PDE4D: variants seen among roughly 807,000 people sequenced by gnomAD.
PDE4D encodes phosphodiesterase 4D.
A neutral mutation model predicts 87.4 loss-of-function variants in PDE4D; 24 were observed. That is an observed-to-expected ratio of 0.27 (90% CI 0.20 to 0.39). PDE4D has a LOEUF of 0.39. Among genes scored for constraint, PDE4D ranks in the 10% least tolerant of loss-of-function variants. The pLI is 1.00. For missense variants in PDE4D, 714 were observed against 1,041.0 expected (o/e 0.69, Z 4.32); for synonymous variants, 384 against 383.2 (o/e 1.00, Z -0.02).
In PDE4D at chr5:58,977,218, T is replaced by C. The variant is rs1744033005; in HGVS notation, c.1680A>G (p.Gln560=). ...IFQNLTKKQR[Q]SLRKMVIDIV... is the part of the protein sequence containing the mutation. ...TGTCAATGACCATTTTCCTTAAAGA[T>C]TGTCTTTGTTTTTTGGTCAAATTCT... Residue 560 remains glutamine (Q), a synonymous_variant, in exon 12 of 15, where the codon CAA becomes CAG. Transcript: ENST00000340635. 7 of 1,611,934 alleles carry C rather than the reference T, an allele frequency of 4.3e-6. No homozygotes were observed. Among genetic ancestry groups the C allele is most frequent in the South Asian group, 1.1e-5 (1 of 90,656 alleles).
Position 59,399,366 on chromosome 5 carries a change from A to G in PDE4D, c.456-183398T>C, listed in dbSNP as rs1360129213. ...GCTACAGTAACCAAAACAGCATGGT[A>G]CTGGTACCAAAACAGAGATATAGAT... On this transcript the variant is annotated intron_variant, in intron 1 of 14. Coordinates refer to ENST00000340635, the MANE Select transcript of PDE4D (RefSeq NM_001104631.2). 3.4e-3 allele frequency among the ~76,000 whole-genome samples: 469 copies of G among 137,374 alleles called. 3 individuals are homozygous for G. Among genetic ancestry groups the G allele is most frequent in the African/African-American group, 0.011 (437 of 38,890 alleles). 90.1% of individuals were successfully genotyped at this position (137,374 alleles called of 152,430 possible). A position where few individuals can be genotyped will look rare whatever the true frequency, so the allele number is the denominator to read the frequency against.
chr5:60,236,896 CTG>C (rs1444091689), intron 1 of PDE4D, among the ~76,000 whole-genome samples: 2 of 151,942 alleles, frequency 1.3e-5, no homozygotes, highest in Non-Finnish European at 2.9e-5. Flanking sequence ...CTGGTGAAAA[CTG>C]TGTTAGACTT....
At chr5:59,371,950 TATAACCCTGGGACTGCCC>T (rs1323738537) in intron 1 of PDE4D, among the ~76,000 whole-genome samples, 2 of 152,228 alleles carry the variant, frequency 1.3e-5, no homozygotes, top group Non-Finnish European at 2.9e-5. Flanking sequence ...CCTGGGGCTG[TATAACCCTGGGACTGCCC>T]AGCACAGTAG....
intron 1 of PDE4D, chr5:59,768,500 G>A (rs1242849085): frequency 6.3e-7 from 1 of 1,598,258 alleles, no homozygotes; most frequent in East Asian, 2.2e-5. Context: ...GGGCTTGTCT[G>A]CTGAGCCATT....
intron 1 of PDE4D, among the ~76,000 whole-genome samples, chr5:60,512,714 C>T (rs1369278937): frequency 1.3e-5 from 2 of 152,076 alleles, no homozygotes; most frequent in African/African-American, 4.8e-5. Context: ...AAGACATTTT[C>T]AGAAAAATAA....
rs1166416188 is a variant in PDE4D, at chr5:59,614,770, A to C, written c.455+278398T>G. On this transcript the variant is annotated intron_variant, in intron 1 of 14. Coordinates refer to ENST00000340635, the MANE Select transcript of PDE4D (RefSeq NM_001104631.2). ...GTTGGTAGGAAGGCATTTATCTGTAAATTGATACATCCTCAGGCAACTGTG... is the reference window on the plus strand; with the variant it reads ...GTTGGTAGGAAGGCATTTATCTGTACATTGATACATCCTCAGGCAACTGTG... Among the ~76,000 whole-genome samples the C allele has an allele frequency of 2.0e-4, 31 of 152,270 alleles. 1 individual carries two copies.
At chr5:59,275,303 G>A in intron 1 of PDE4D, 2 of 1,540,790 alleles carry the variant, frequency 1.3e-6, no homozygotes, top group Non-Finnish European at 1.8e-6. Flanking sequence ...TCTTAAAAGA[G>A]AAAAGGGGAA....
At chr5:59,469,161 A>G (rs1802034530) in intron 1 of PDE4D, among the ~76,000 whole-genome samples, 1 of 152,198 alleles carries the variant, frequency 6.6e-6, no homozygotes, top group South Asian at 2.1e-4. Context: ...CTCTGTCTCT[A>G]CTAAAAATAC....
At chr5:59,506,876 C>A (rs1238699683) in intron 1 of PDE4D, among the ~76,000 whole-genome samples, 1 of 152,118 alleles carries the variant, frequency 6.6e-6, no homozygotes, top group East Asian at 1.9e-4. Flanking sequence ...AGAAAACTGT[C>A]TGTCAGTCTT....
In PDE4D at chr5:59,336,247, A is replaced by G. The variant is rs61629228; in HGVS notation, c.456-120279T>C. On this transcript the variant is annotated intron_variant, in intron 1 of 14. Transcript: ENST00000340635. The stretch of plus-strand genomic sequence containing the variant: ...AGAAGGGCACAATCAGCTCCAAGCC[A>G]TTAGGGAAGGTATAATTTCACAAGG... Among the ~76,000 whole-genome samples the G allele has an allele frequency of 1.5e-4, 23 of 152,220 alleles. 1 individual carries two copies. The highest frequency in any genetic ancestry group is 6.2e-4 in the South Asian group (3 of 4,828).
chr5:59,823,238 C>A (rs1432696985), intron 1 of PDE4D, among the ~76,000 whole-genome samples: 5 of 152,174 alleles, frequency 3.3e-5, no homozygotes, highest in African/African-American at 1.2e-4. Flanking sequence ...CCCTTTCGCC[C>A]CCTGTTTAAT....
At chr5:59,512,347 T>A (rs1264897892) in intron 1 of PDE4D, among the ~76,000 whole-genome samples, 1 of 152,154 alleles carries the variant, frequency 6.6e-6, no homozygotes, top group Admixed American at 6.5e-5. Context: ...ATCAAACTTG[T>A]AGCACGCATG....
intron 1 of PDE4D, among the ~76,000 whole-genome samples, chr5:59,470,535 AG>A (rs1222494571): frequency 6.6e-6 from 1 of 152,214 alleles, no homozygotes; most frequent in African/African-American, 2.4e-5. Flanking sequence ...AATATTACAG[AG>A]TATATAGTAA....
At chr5:60,130,845 ATTG>A (rs559481298) in intron 2 of PDE4D, among the ~76,000 whole-genome samples, 28 of 152,336 alleles carry the variant, frequency 1.8e-4, no homozygotes, top group African/African-American at 6.0e-4. Context: ...GTGTTTTAAT[ATTG>A]TTAAGTTTGA....
intron 1 of PDE4D, among the ~76,000 whole-genome samples, chr5:60,473,245 AAAGG>A (rs922612011): frequency 1.3e-4 from 18 of 143,734 alleles, no homozygotes; most frequent in East Asian, 6.0e-4. Context: ...GGAAGGAAGG[AAAGG>A]AAGGAAGGAA....
At chr5:59,410,217 C>T (rs1792408196) in intron 1 of PDE4D, among the ~76,000 whole-genome samples, 1 of 151,884 alleles carries the variant, frequency 6.6e-6, no homozygotes, top group African/African-American at 2.4e-5. Flanking sequence ...GCATCCTACT[C>T]TCTATCTCCA....
chr5:59,065,057 G>GCT (rs1763671657), intron 5 of PDE4D, among the ~76,000 whole-genome samples: 1 of 23,320 alleles, frequency 4.3e-5, no homozygotes, highest in South Asian at 1.1e-3. Context: ...AAGGAAATGT[G>GCT]ATATATATAT....
At chr5:59,431,511 G>A (rs1220149908) in intron 1 of PDE4D, among the ~76,000 whole-genome samples, 1 of 152,040 alleles carries the variant, frequency 6.6e-6, no homozygotes, top group Non-Finnish European at 1.5e-5. Context: ...ACAGTGTGCT[G>A]AAAAAGGGCT....
intron 2 of PDE4D, among the ~76,000 whole-genome samples, chr5:59,197,876 G>A (rs761177067): frequency 7.6e-4 from 115 of 152,280 alleles, no homozygotes; most frequent in Non-Finnish European, 1.4e-3. Flanking sequence ...TTTACCCACA[G>A]AAGCTTTTTA....
Sources: allele counts gnomAD v4.1 joint callset (sites outside exome capture counted in the v4.1 genomes callset), GRCh38; gene constraint gnomAD v4.1.1; transcripts MANE v1.5; gene names NCBI Gene and HGNC (gene_info 2026-07-23, HGNC 2026-07-21).